LRP1: variants seen among roughly 807,000 people sequenced by gnomAD.
LRP1 encodes prolow-density lipoprotein receptor-related protein 1.
A neutral mutation model predicts 541.5 loss-of-function variants in LRP1; 51 were observed. The ratio of observed to expected loss-of-function variants is 0.09; its 90% CI spans 0.08 to 0.12. The LOEUF is 0.12. Among genes scored for constraint, LRP1 ranks in the 10% least tolerant of loss-of-function variants. LRP1 has a pLI of 1.00. For synonymous variants in LRP1, 2,219 were observed against 2,470.8 expected, an observed-to-expected ratio of 0.90 and a Z score of 3.02; for missense variants, 3,878 against 6,376.2, an observed-to-expected ratio of 0.61 and a Z score of 13.34.
rs562316659 is a variant in LRP1, at chr12:57,189,830, G to A, written c.7032-975G>A. On this transcript the variant is annotated intron_variant, in intron 42 of 88. Coordinates refer to ENST00000243077, the MANE Select transcript of LRP1 (RefSeq NM_002332.3). This position sits in a 1 kb window ranked among gnomAD's most constrained non-coding sequence, Gnocchi z 4.4. Reference sequence around the variant, plus strand: ...AAGGATCGCCTAGGAGCAAGAGAATGTGGAGTCCCCTGCCCCGCCCTGGGC... The same window carrying A: ...AAGGATCGCCTAGGAGCAAGAGAATATGGAGTCCCCTGCCCCGCCCTGGGC... Among the ~76,000 whole-genome samples the A allele has an allele frequency of 4.3e-4, 65 of 152,252 alleles. No homozygotes were observed. The highest frequency in any genetic ancestry group is 1.6e-3 in the African/African-American group (65 of 41,536).
intron 1 of LRP1, among the ~76,000 whole-genome samples, chr12:57,135,047 GA>G (rs2035127287): frequency 6.6e-6 from 1 of 152,196 alleles, no homozygotes; most frequent in Non-Finnish European, 1.5e-5. Flanking sequence ...GACCTATGAG[GA>G]AACCACCTGC....
rs2036663044 is a variant in LRP1, at chr12:57,201,843, G to A, written c.10532G>A (p.Arg3511His). The stretch of plus-strand genomic sequence containing the variant: ...GATTCGGGCCGCTGCATCCCAGCGC[G>A]TTGGAAGTGTGACGGAGAGGATGAC... ...CKDSGRCIPARWKCDGEDDCG... is the reference protein window; with the variant it reads ...CKDSGRCIPAHWKCDGEDDCG... The change falls in exon 67 of 89, where the codon CGT (arginine) becomes CAT (histidine). Residue 3511 changes from arginine to histidine, a missense_variant. Physicochemically the swap from Arg to His is conservative, Grantham distance 29. Around this residue, in one of 13 missense-constraint regions of LRP1, gnomAD observed 278 missense variants for 536.3 expected, o/e 0.52. Coordinates refer to ENST00000243077, the MANE Select transcript of LRP1 (RefSeq NM_002332.3). This position sits in a 1 kb window ranked among gnomAD's most constrained non-coding sequence, Gnocchi z 6.4. 14 of 1,614,028 alleles carry A rather than the reference G, an allele frequency of 8.7e-6. No homozygotes were observed. Among genetic ancestry groups the A allele is most frequent in the Non-Finnish European group, 1.1e-5 (13 of 1,180,026 alleles).
intron 6 of LRP1, among the ~76,000 whole-genome samples, chr12:57,150,293 G>A (rs951652341): frequency 4.7e-5 from 7 of 148,472 alleles, no homozygotes; most frequent in Non-Finnish European, 5.9e-5. Flanking sequence ...CCGGGTTCAC[G>A]CCATTCTTCT....
chr12:57,157,874 T>C (rs1256950670), intron 10 of LRP1, among the ~76,000 whole-genome samples: 1 of 152,216 alleles, frequency 6.6e-6, no homozygotes, highest in Non-Finnish European at 1.5e-5. Flanking sequence ...AGGCAGGGGT[T>C]GGATTTTATT....
In LRP1 at chr12:57,166,056, G is replaced by T. The variant is rs374145178; in HGVS notation, c.2672-28G>T. ...GGAAGCTGGGGGCACCCAACTTCTC[G>T]CTGACCCCTGACTCATTCCCTCCCC... is the stretch of plus-strand genomic sequence containing the variant. On this transcript the variant is annotated intron_variant, in intron 16 of 88. Coordinates refer to ENST00000243077, the MANE Select transcript of LRP1 (RefSeq NM_002332.3). 1.1e-5 allele frequency: 18 copies of T among 1,613,674 alleles called. No individual in the cohort carries two copies. In the Admixed American group the frequency reaches 2.2e-4, roughly 19 times the overall value.
intron 10 of LRP1, among the ~76,000 whole-genome samples, chr12:57,157,482 G>A (rs1260029956): frequency 1.3e-5 from 2 of 152,142 alleles, no homozygotes; most frequent in Admixed American, 6.5e-5. Flanking sequence ...GTGATGGTGC[G>A]TGCCTATAAT....
At chr12:57,198,717 A>T in intron 60 of LRP1, 47 bp downstream of exon 60, 1 of 1,538,468 alleles carries the variant, frequency 6.5e-7, no homozygotes, top group Non-Finnish European at 8.8e-7. Flanking sequence ...CTCAGTGGGG[A>T]TGGAGGTCTG....
intron 6 of LRP1, chr12:57,150,061 A>C: frequency 3.1e-6 from 1 of 327,430 alleles, no homozygotes; most frequent in African/African-American, 2.1e-5. Flanking sequence ...GGATCAATAC[A>C]TGTGTGTCAG....
At chr12:57,129,060 C>T in intron 1 of LRP1, 29 bp downstream of exon 1, 1 of 1,548,858 alleles carries the variant, frequency 6.5e-7, no homozygotes, top group Non-Finnish European at 8.7e-7. Flanking sequence ...CCCCCTTGGA[C>T]CCCTGGGGGC....
In LRP1 at chr12:57,161,025, A is replaced by C. The variant is rs750693597; in HGVS notation, c.2112A>C (p.Leu704=). The change falls in exon 13 of 89, where the codon CTA becomes CTC. Residue 704 remains leucine, a synonymous_variant. Coordinates refer to ENST00000243077, the MANE Select transcript of LRP1 (RefSeq NM_002332.3). ...TSKTVLWPNG[L]SLDIPAGRLY... The stretch of plus-strand genomic sequence containing the variant: ...AGACAGTGCTTTGGCCCAATGGGCT[A>C]AGCCTGGACATCCCGGCTGGGCGCC... 1 of 1,613,674 alleles carries C rather than the reference A, an allele frequency of 6.2e-7. No homozygotes were observed. The highest frequency in any genetic ancestry group is 1.7e-4 in the Middle Eastern group (1 of 6,060).
intron 6 of LRP1, among the ~76,000 whole-genome samples, chr12:57,151,699 C>T (rs1044951777): frequency 2.0e-4 from 31 of 152,322 alleles, no homozygotes; most frequent in Middle Eastern, 3.4e-3. Flanking sequence ...GCCCTGGAGG[C>T]AAGGTTCCTC....
At position 57,183,706 on chromosome 12, in the gene LRP1, G is replaced by T; in HGVS notation, c.5795-69G>T. 1 of 1,596,204 alleles carries T rather than the reference G, an allele frequency of 6.3e-7. No homozygotes were observed. Among genetic ancestry groups the T allele is most frequent in the Non-Finnish European group, 8.5e-7 (1 of 1,170,604 alleles). ...CTCTCTCACCTCTGTCTTGAGCCTTGTGAGATTTTGACCCCTCACCTTACC... is the reference window on the plus strand; with the variant it reads ...CTCTCTCACCTCTGTCTTGAGCCTTTTGAGATTTTGACCCCTCACCTTACC... On this transcript the variant is annotated intron_variant, in intron 35 of 88. Coordinates refer to ENST00000243077, the MANE Select transcript of LRP1 (RefSeq NM_002332.3). This position sits in a 1 kb window ranked among gnomAD's most constrained non-coding sequence, Gnocchi z 6.1.
At chr12:57,174,569 A>C (rs2036006841) in intron 22 of LRP1, among the ~76,000 whole-genome samples, 1 of 152,136 alleles carries the variant, frequency 6.6e-6, no homozygotes, top group African/African-American at 2.4e-5. Flanking sequence ...GAGCTCAGGA[A>C]TTTGAGATCA....
chr12:57,193,706 T>C (rs1227047824), intron 47 of LRP1, 21 bp downstream of exon 47: 1 of 1,614,080 alleles, frequency 6.2e-7, no homozygotes, highest in Non-Finnish European at 8.5e-7. Flanking sequence ...CGCACTGGCA[T>C]AACCCATCTG....
In LRP1 at chr12:57,149,920, G is replaced by A. The variant is rs1592611135; in HGVS notation, c.842-4288G>A. 5 of 613,570 alleles carry A rather than the reference G, an allele frequency of 8.1e-6. No homozygotes were observed. The East Asian group carries it at 1.4e-4, about 17-fold the overall frequency. 38.0% of individuals were successfully genotyped at this position (613,570 alleles called of 1,614,324 possible). A position where few individuals can be genotyped will look rare whatever the true frequency, so the allele number is the denominator to read the frequency against. ...GATCCCTGAGTAGGATTACTAGACA[G>A]ACTGTCCTCTCCCACTGTCTTGGAG... On this transcript the variant is annotated intron_variant, in intron 6 of 88. Coordinates refer to ENST00000243077, the MANE Select transcript of LRP1 (RefSeq NM_002332.3).
rs1392716729 is a variant in LRP1 at position 57,197,423 on chromosome 12, C to T, written c.9162+39C>T. ...GCCCTCCTCCCCGCTGCCCATCTCC[C>T]AGACCCAGCACAGCCTCCCTTGCAA... On this transcript the variant is annotated intron_variant, in intron 57 of 88. Coordinates refer to ENST00000243077, the MANE Select transcript of LRP1 (RefSeq NM_002332.3). This position sits in a 1 kb window ranked among gnomAD's most constrained non-coding sequence, Gnocchi z 4.5. 6.2e-7 allele frequency: 1 copy of T among 1,610,374 alleles called. No homozygotes were observed. Among genetic ancestry groups the T allele is most frequent in the South Asian group, 1.1e-5 (1 of 90,962 alleles).
rs969513467 is a variant in LRP1, at chr12:57,178,733, G to A, written c.4606+130G>A. ...TGTGCTGGGATGGCAGGGGTAGGCC[G>A]GCTGTTGACAGAGGCACTGTCTAGC... On this transcript the variant is annotated intron_variant, in intron 27 of 88. Transcript: ENST00000243077. The surrounding 1 kb of genome is among the most constrained non-coding windows in gnomAD (Gnocchi z 5.8). 15 of 1,519,712 alleles carry A rather than the reference G, an allele frequency of 9.9e-6. No individual in the cohort carries two copies. Among genetic ancestry groups the A allele is most frequent in the South Asian group, 3.7e-5 (3 of 80,380 alleles). 94.1% of individuals were successfully genotyped at this position (1,519,712 alleles called of 1,614,324 possible).
Position 57,156,848 on chromosome 12 carries a change from A to G in LRP1, c.1489A>G (p.Asn497Asp). 1.2e-6 allele frequency: 2 copies of G among 1,604,328 alleles called. No individual in the cohort carries two copies. Among genetic ancestry groups the G allele is most frequent in the Non-Finnish European group, 1.7e-6 (2 of 1,177,874 alleles). Residue 497 changes from asparagine to aspartate, a missense_variant, in exon 10 of 89, where the codon AAC becomes GAC. Around this residue, in one of 13 missense-constraint regions of LRP1, gnomAD observed 496 missense variants for 861.0 expected, o/e 0.58. Transcript: ENST00000243077. The surrounding 1 kb of genome is among the most constrained non-coding windows in gnomAD (Gnocchi z 5.2). ...CTGCTCTGACATCTGCCTGCTGGCC[A>G]ACAGCCACAAGGCGCGGACCTGCCG... The part of the protein sequence containing the change: ...GGCSDICLLA[N>D]SHKARTCRCR...
chr12:57,163,707 T>G (rs915015374), intron 15 of LRP1, among the ~76,000 whole-genome samples: 2 of 152,158 alleles, frequency 1.3e-5, no homozygotes, highest in African/African-American at 4.8e-5. Flanking sequence ...TGAACACCAT[T>G]CTTTTTTCCT....
Sources: allele counts gnomAD v4.1 joint callset (sites outside exome capture counted in the v4.1 genomes callset), GRCh38; gene constraint gnomAD v4.1.1; regional missense constraint gnomAD v4.1.1; non-coding constraint Gnocchi (gnomAD v3.1); transcripts MANE v1.5; gene names NCBI Gene and HGNC (gene_info 2026-07-23, HGNC 2026-07-21).